Variants in DEPDC7 observed in about 807,000 individuals in gnomAD.
DEPDC7 encodes the protein DEP domain-containing protein 7.
Under a neutral mutation model 56.6 loss-of-function variants are expected in DEPDC7, and 41 were observed. The ratio of observed to expected loss-of-function variants is 0.72; its 90% CI spans 0.56 to 0.94. DEPDC7 has a LOEUF of 0.94. Ranked by LOEUF, DEPDC7 falls within the 40% of genes least tolerant of loss-of-function variation. DEPDC7 has a pLI of 0.00. For missense variants in DEPDC7, 522 were observed against 596.3 expected (o/e 0.88, Z 1.30); for synonymous variants, 185 against 208.8 (o/e 0.89, Z 0.98).
chr11:33,024,770 T>C (rs893978512), intron 1 of DEPDC7, among the ~76,000 whole-genome samples: 3 of 150,496 alleles, frequency 2.0e-5, no homozygotes, highest in African/African-American at 7.3e-5. Context: ...TGGTCCATCG[T>C]TGACAGAAAT....
intron 8 of DEPDC7, 115 bp downstream of exon 8, chr11:33,033,082 C>T: frequency 1.0e-6 from 1 of 993,790 alleles, no homozygotes; most frequent in South Asian, 1.7e-5. Context: ...AAAACATTCT[C>T]CTCAGAGTTA....
chr11:33,029,219 C>T (rs754241041), intron 4 of DEPDC7, among the ~76,000 whole-genome samples: 12 of 151,154 alleles, frequency 7.9e-5, no homozygotes, highest in African/African-American at 2.4e-4. Context: ...ACAATAAGGC[C>T]GGGTGCGGTG....
chr11:33,032,648 T>C lies in DEPDC7; in HGVS notation c.1138-20T>C. ...TCTCTTAAATATATACTATTGGATA[T>C]ATTTGTTTTATTTTTATAGAGTGAC... is the stretch of plus-strand genomic sequence containing the variant. On this transcript the variant is annotated intron_variant, in intron 6 of 8. Transcript: ENST00000241051. The C allele has an allele frequency of 1.3e-6, 2 of 1,507,526 alleles. No homozygotes were observed. The highest frequency in any genetic ancestry group is 1.2e-5 in the South Asian group (1 of 80,872). 93.4% of individuals were successfully genotyped at this position (1,507,526 alleles called of 1,614,324 possible).
chr11:33,024,326 A>G (rs1452814632), intron 1 of DEPDC7, among the ~76,000 whole-genome samples: 1 of 152,238 alleles, frequency 6.6e-6, no homozygotes, highest in Admixed American at 6.5e-5. Flanking sequence ...GGCAGGAACC[A>G]AATTGTTACT....
At chr11:33,016,225 TG>T (rs1853458818) in intron 1 of DEPDC7, 197 bp downstream of exon 1, 1 of 1,306,916 alleles carries the variant, frequency 7.7e-7, no homozygotes, top group Non-Finnish European at 9.7e-7. Flanking sequence ...CTCTGGCTGG[TG>T]GGCTGCAAGC....
In DEPDC7 at chr11:33,031,598, G is replaced by C. The variant is rs751952557; in HGVS notation, c.994+9G>C. 1.3e-6 allele frequency: 2 copies of C among 1,591,306 alleles called. No individual in the cohort carries two copies. The highest frequency in any genetic ancestry group is 2.2e-5 in the South Asian group (2 of 90,638). ...AATTGCAGAACTCTTAGGTAAGTAAGATCTAACTGGATACTAGCATTTATC... is the reference window on the plus strand; with the variant it reads ...AATTGCAGAACTCTTAGGTAAGTAACATCTAACTGGATACTAGCATTTATC... On this transcript the variant is annotated intron_variant, in intron 5 of 8. Coordinates refer to ENST00000241051, the MANE Select transcript of DEPDC7 (RefSeq NM_001077242.2).
At chr11:33,030,002 CA>C (rs1483224325) in intron 4 of DEPDC7, among the ~76,000 whole-genome samples, 2 of 152,126 alleles carry the variant, frequency 1.3e-5, no homozygotes, top group Admixed American at 6.5e-5. Flanking sequence ...CTCTGTCGCC[CA>C]GGCTGGAGTG....
intron 1 of DEPDC7, among the ~76,000 whole-genome samples, chr11:33,017,281 A>C (rs1285958642): frequency 6.6e-6 from 1 of 152,228 alleles, no homozygotes; most frequent in Non-Finnish European, 1.5e-5. Flanking sequence ...CATTGAAAAC[A>C]GTCTTGAGAA....
At chr11:33,023,736 C>T (rs975702821) in intron 1 of DEPDC7, among the ~76,000 whole-genome samples, 24 of 152,098 alleles carry the variant, frequency 1.6e-4, no homozygotes, top group African/African-American at 4.3e-4. Flanking sequence ...TCACCACCTT[C>T]GGCAGGCTGT....
intron 4 of DEPDC7, among the ~76,000 whole-genome samples, chr11:33,029,385 G>C (rs1189470816): frequency 1.3e-5 from 2 of 150,864 alleles, no homozygotes; most frequent in African/African-American, 4.9e-5. Context: ...CCAGCTACTT[G>C]GGAGGCTGAG....
rs548547059 is a variant in DEPDC7, at chr11:33,033,579, A to G, written c.*124A>G. 410 of 641,360 alleles carry G rather than the reference A, an allele frequency of 6.4e-4. 2 individuals are homozygous for G. The highest frequency in any genetic ancestry group is 5.2e-3 in the Middle Eastern group (12 of 2,290). The allele number at this position is 641,360 out of a possible 1,614,324, so 39.7% of individuals were successfully genotyped here. ...CTGTACTTAATAAAAATTTTTTTGT[A>G]TAACTTCGTGTGTCAGAAGCTATTA... On this transcript the variant is annotated 3_prime_UTR_variant, in exon 9 of 9. Coordinates refer to ENST00000241051, the MANE Select transcript of DEPDC7 (RefSeq NM_001077242.2).
chr11:33,032,769 G>T lies in DEPDC7; in HGVS notation c.1239G>T (p.Met413Ile). The stretch of plus-strand genomic sequence containing the variant: ...CAGATCTTCTGGTACTCTTTTTAAT[G>T]GATCATCAGAAAGATGTTTTTAAGG... The part of the protein sequence containing the change: ...GKTDLLVLFL[M>I]DHQKDVFKIP... The change falls in exon 7 of 9, where the codon ATG (methionine) becomes ATT (isoleucine). Residue 413 changes from methionine (M) to isoleucine (I), a missense_variant. Transcript: ENST00000241051. 2 of 1,601,794 alleles carry T rather than the reference G, an allele frequency of 1.2e-6. No homozygotes were observed. Among genetic ancestry groups the T allele is most frequent in the South Asian group, 2.3e-5 (2 of 87,890 alleles).
chr11:33,018,407 A>C (rs1853487142), intron 1 of DEPDC7, among the ~76,000 whole-genome samples: 1 of 152,178 alleles, frequency 6.6e-6, no homozygotes, highest in African/African-American at 2.4e-5. Flanking sequence ...ATCTTTCTTA[A>C]AATTCTCTTA....
At position 33,028,802 on chromosome 11, in the gene DEPDC7, A is replaced by G; in HGVS notation, c.782+10A>G. On this transcript the variant is annotated intron_variant, in intron 4 of 8. Transcript: ENST00000241051. ...CTTATAGTGACTCTCAGTATGTGGA[A>G]ATACATATAATAATTTGAGTGTGTT... The G allele has an allele frequency of 6.4e-7, 1 of 1,572,598 alleles. No individual in the cohort carries two copies. The highest frequency in any genetic ancestry group is 8.6e-7 in the Non-Finnish European group (1 of 1,159,994).
In DEPDC7 at chr11:33,024,462, G is replaced by A. The variant is rs542583084; in HGVS notation, c.74-1197G>A. Among the ~76,000 whole-genome samples the A allele has an allele frequency of 1.1e-4, 16 of 151,152 alleles. No individual in the cohort carries two copies. The South Asian group carries it at 3.2e-3, about 30-fold the overall frequency. On this transcript the variant is annotated intron_variant, in intron 1 of 8. Transcript: ENST00000241051. Reference sequence around the variant, plus strand: ...TGTGTGTGTGTGTATACAATCATGCGTAGTGTAATGACGGGGATATGTTCT... The same window carrying A: ...TGTGTGTGTGTGTATACAATCATGCATAGTGTAATGACGGGGATATGTTCT...
chr11:33,023,315 T>C (rs1472967472), intron 1 of DEPDC7, among the ~76,000 whole-genome samples: 1 of 152,156 alleles, frequency 6.6e-6, no homozygotes, highest in African/African-American at 2.4e-5. Context: ...ACTTTTGGTA[T>C]TAGAAATATA....
intron 2 of DEPDC7, among the ~76,000 whole-genome samples, chr11:33,027,400 G>C (rs111267984): frequency 6.4e-4 from 98 of 152,284 alleles, no homozygotes; most frequent in African/African-American, 2.4e-3. Flanking sequence ...GATAAACCCA[G>C]TAAGCATAAT....
intron 1 of DEPDC7, 104 bp downstream of exon 1, chr11:33,016,132 C>T (rs1853456749): frequency 2.4e-6 from 3 of 1,238,356 alleles, no homozygotes; most frequent in African/African-American, 3.2e-5. Flanking sequence ...GCCGCCTGCG[C>T]CTGTCAACGG....
At chr11:33,018,371 A>ATTT (rs1428018338) in intron 1 of DEPDC7, among the ~76,000 whole-genome samples, 2 of 152,250 alleles carry the variant, frequency 1.3e-5, no homozygotes, top group Non-Finnish European at 1.5e-5. Flanking sequence ...TTGTGTGAGT[A>ATTT]ATATTTTAAA....
Sources: allele counts gnomAD v4.1 joint callset (sites outside exome capture counted in the v4.1 genomes callset), GRCh38; gene constraint gnomAD v4.1.1; transcripts MANE v1.5; gene names NCBI Gene and HGNC (gene_info 2026-07-23, HGNC 2026-07-21).